The following PLCG2 variants were observed in gnomAD, a reference collection of about 807,000 sequenced individuals.
PLCG2 encodes 1-phosphatidylinositol 4,5-bisphosphate phosphodiesterase gamma-2.
In PLCG2, 69 loss-of-function variants were observed where a neutral mutation model predicts 175.6. That is an observed-to-expected ratio of 0.39 (90% CI 0.32 to 0.48). PLCG2 has a LOEUF of 0.48. Ranked by LOEUF, PLCG2 falls within the 20% of genes least tolerant of loss-of-function variation. The pLI is 0.91. For synonymous variants in PLCG2, 827 were observed against 624.0 expected, an observed-to-expected ratio of 1.33 and a Z score of -4.85; for missense variants, 1,798 against 1,650.9, an observed-to-expected ratio of 1.09 and a Z score of -1.54.
In PLCG2 at chr16:81,927,141, A is replaced by G. The variant is rs1351631192; in HGVS notation, c.2477A>G (p.Asp826Gly). Reference sequence around the variant, plus strand: ...TACTTCCCATCCAACTACGTCGAGGACATCTCAACTGCAGACTTCGAGGAG... The same window carrying G: ...TACTTCCCATCCAACTACGTCGAGGGCATCTCAACTGCAGACTTCGAGGAG... ...QQYFPSNYVEDISTADFEELE... is the reference protein window; with the variant it reads ...QQYFPSNYVEGISTADFEELE... The change falls in exon 23 of 33, where the codon GAC becomes GGC. Residue 826 changes from aspartate to glycine, a missense_variant. Physicochemically the swap from Asp to Gly is moderately conservative, Grantham distance 94 (BLOSUM62 -1). Transcript: ENST00000564138. 1 of 1,613,840 alleles carries G rather than the reference A, an allele frequency of 6.2e-7. No individual in the cohort carries two copies. The highest frequency in any genetic ancestry group is 8.5e-7 in the Non-Finnish European group (1 of 1,179,706).
chr16:81,789,071 C>T (rs988441157), intron 2 of PLCG2, among the ~76,000 whole-genome samples: 3 of 152,200 alleles, frequency 2.0e-5, no homozygotes, highest in African/African-American at 7.2e-5. Context: ...CATGTGTATA[C>T]ACCTGTGTAA....
At chr16:81,880,359 C>A (rs908818899) in intron 7 of PLCG2, among the ~76,000 whole-genome samples, 6 of 152,222 alleles carry the variant, frequency 3.9e-5, no homozygotes, top group Non-Finnish European at 5.9e-5. Flanking sequence ...CTACAATGTG[C>A]TGTGTCTACG....
chr16:81,861,961 C>T (rs1191350831), intron 5 of PLCG2, among the ~76,000 whole-genome samples: 4 of 152,216 alleles, frequency 2.6e-5, no homozygotes, highest in East Asian at 1.9e-4. Flanking sequence ...GTGTGCTCAC[C>T]GGCTTCCTCT....
At chr16:81,879,355 C>G (rs183081515) in intron 7 of PLCG2, among the ~76,000 whole-genome samples, 28 of 152,286 alleles carry the variant, frequency 1.8e-4, no homozygotes, top group African/African-American at 6.5e-4. Context: ...AAAGAAATAC[C>G]TATGCTGTAA....
rs191184843 is a variant in PLCG2 at position 81,915,642 on chromosome 16, A to G, written c.2054+2926A>G. On this transcript the variant is annotated intron_variant, in intron 19 of 32. Transcript: ENST00000564138. Reference sequence around the variant, plus strand: ...GACACTGTGCCGACAGCTTACCCTGAATAAGCTAATAGACGATGATCCTAA... The same window carrying G: ...GACACTGTGCCGACAGCTTACCCTGGATAAGCTAATAGACGATGATCCTAA... Among the ~76,000 whole-genome samples, 349 of 152,280 alleles carry G rather than the reference A, an allele frequency of 2.3e-3. 1 individual carries two copies. Among genetic ancestry groups the G allele is most frequent in the South Asian group, 0.023 (110 of 4,824 alleles).
At chr16:81,913,295 T>TA (rs1275005470) in intron 19 of PLCG2, among the ~76,000 whole-genome samples, 1 of 152,218 alleles carries the variant, frequency 6.6e-6, no homozygotes, top group Non-Finnish European at 1.5e-5. Flanking sequence ...TGCATGTTCT[T>TA]ACGGTGGTAA....
chr16:81,769,357 A>G (rs932996533), intron 2 of PLCG2, among the ~76,000 whole-genome samples: 2 of 152,210 alleles, frequency 1.3e-5, no homozygotes, highest in Non-Finnish European at 2.9e-5. Flanking sequence ...TAGAGGGTGC[A>G]AGAGAATGAT....
intron 2 of PLCG2, among the ~76,000 whole-genome samples, chr16:81,847,564 AG>A (rs1449629390): frequency 6.6e-6 from 1 of 152,124 alleles, no homozygotes; most frequent in African/African-American, 2.4e-5. Flanking sequence ...CAAGGGTGTT[AG>A]GGGTTGTGTG....
chr16:81,851,013 C>G (rs1326978922), intron 2 of PLCG2, among the ~76,000 whole-genome samples: 2 of 152,084 alleles, frequency 1.3e-5, no homozygotes, highest in African/African-American at 4.8e-5. Context: ...TATGGGTCCC[C>G]CCAGCCAGCT....
intron 2 of PLCG2, among the ~76,000 whole-genome samples, chr16:81,852,631 G>A (rs1906476340): frequency 6.6e-6 from 1 of 152,162 alleles, no homozygotes; most frequent in Non-Finnish European, 1.5e-5. Flanking sequence ...GGCAGCAGAA[G>A]TTGCAGAACG....
chr16:81,748,173 C>A (rs1267831733), intron 1 of PLCG2, among the ~76,000 whole-genome samples: 1 of 152,128 alleles, frequency 6.6e-6, no homozygotes, highest in African/African-American at 2.4e-5. Context: ...CCGCACCCGG[C>A]CAAGGCCCTT....
chr16:81,882,488 C>G (rs942382667), intron 8 of PLCG2, among the ~76,000 whole-genome samples: 2 of 152,110 alleles, frequency 1.3e-5, no homozygotes, highest in Non-Finnish European at 2.9e-5. Flanking sequence ...GGGTCTGGCT[C>G]CTGTCCTTTC....
At chr16:81,778,051 A>AACAAACAAACAAAC (rs1597311882), upstream of PLCG2, among the ~76,000 whole-genome samples, 1 of 79,156 alleles carries the variant, frequency 1.3e-5, no homozygotes, top group Non-Finnish European at 2.4e-5. Context: ...AACAAAAAAA[A>AACAAACAAACAAAC]AAACAAAAAA....
At chr16:81,942,455 T>C (rs756050674) in intron 30 of PLCG2, among the ~76,000 whole-genome samples, 5 of 152,192 alleles carry the variant, frequency 3.3e-5, no homozygotes, top group Non-Finnish European at 5.9e-5. Context: ...GGCACATCCA[T>C]ATTCATGGGA....
At chr16:81,847,713 G>C (rs1265100517) in intron 2 of PLCG2, among the ~76,000 whole-genome samples, 1 of 152,062 alleles carries the variant, frequency 6.6e-6, no homozygotes, top group Non-Finnish European at 1.5e-5. Flanking sequence ...AAACTTTTTT[G>C]TTGTCATTAT....
At chr16:81,933,225 C>T (rs1004230772) in intron 25 of PLCG2, among the ~76,000 whole-genome samples, 1 of 152,170 alleles carries the variant, frequency 6.6e-6, no homozygotes, top group African/African-American at 2.4e-5. Flanking sequence ...CCTGTTATTA[C>T]ATCTGAGGGG....
chr16:81,901,764 T>G (rs1329471088), intron 14 of PLCG2, among the ~76,000 whole-genome samples: 7 of 152,246 alleles, frequency 4.6e-5, no homozygotes, highest in Non-Finnish European at 1.0e-4. Flanking sequence ...TCGTCATCAC[T>G]TTGGAATTAT....
At chr16:81,807,897 C>T (rs115819614) in intron 2 of PLCG2, among the ~76,000 whole-genome samples, 160 of 152,246 alleles carry the variant, frequency 1.1e-3, no homozygotes, top group African/African-American at 3.8e-3. Context: ...CTCAAGAACT[C>T]ACTGAATATT....
chr16:81,818,441 A>T (rs573894044), intron 2 of PLCG2, among the ~76,000 whole-genome samples: 30 of 152,260 alleles, frequency 2.0e-4, no homozygotes, highest in African/African-American at 6.3e-4. Flanking sequence ...ATGCATGATG[A>T]CTAGCACATA....
Sources: gnomAD v4.1 joint callset for allele counts (sites outside exome capture counted in the v4.1 genomes callset) on GRCh38, gnomAD v4.1.1 for gene constraint, MANE v1.5 for transcripts, NCBI Gene and HGNC (gene_info 2026-07-23, HGNC 2026-07-21) for gene names.